ANXA3: variants seen among roughly 807,000 people sequenced by gnomAD.
The protein encoded by ANXA3 is 35-alpha calcimedin.
Under a neutral mutation model 48.8 loss-of-function variants are expected in ANXA3, and 46 were observed. The observed-to-expected ratio is 0.94, with a 90% CI of 0.74 to 1.21. The LOEUF (loss-of-function observed/expected upper bound fraction) is 1.21. Among genes scored for constraint, ANXA3 ranks in the 50% most tolerant of loss-of-function variants. The probability of loss-of-function intolerance (pLI) is 0.00; values close to 1 mark genes in which losing one functional copy is unlikely to be tolerated. For missense variants in ANXA3, 383 were observed against 378.6 expected (o/e 1.01, Z -0.10); for synonymous variants, 128 against 134.7 (o/e 0.95, Z 0.35).
At chr4:78,552,871 C>T (rs180882228) in intron 1 of ANXA3, among the ~76,000 whole-genome samples, 42 of 152,312 alleles carry the variant, frequency 2.8e-4, no homozygotes, top group Middle Eastern at 3.4e-3. Flanking sequence ...AAACCAGAAT[C>T]TTGTTCCCAG....
At chr4:78,592,434 G>A (rs1223657562) in intron 7 of ANXA3, among the ~76,000 whole-genome samples, 1 of 152,182 alleles carries the variant, frequency 6.6e-6, no homozygotes, top group Non-Finnish European at 1.5e-5. Context: ...TATGGTTTCA[G>A]TTACTTTAAA....
chr4:78,582,549 TA>T, intron 5 of ANXA3: 1 of 402,046 alleles, frequency 2.5e-6, no homozygotes, highest in Non-Finnish European at 4.5e-6. Flanking sequence ...TGAAAGTAAA[TA>T]GCACTATGAT....
intron 7 of ANXA3, among the ~76,000 whole-genome samples, chr4:78,591,983 T>C (rs185559650): frequency 5.3e-5 from 8 of 152,328 alleles, no homozygotes; most frequent in Non-Finnish European, 8.8e-5. Context: ...TTCTGGACTC[T>C]GAAGAATAAA....
At chr4:78,573,723 G>C (rs765279862) in intron 3 of ANXA3, among the ~76,000 whole-genome samples, 1 of 152,180 alleles carries the variant, frequency 6.6e-6, no homozygotes, top group Admixed American at 6.5e-5. Context: ...ACCAAGGGGT[G>C]GAATAGTCAT....
At chr4:78,558,621 C>A (rs1380205165) in intron 2 of ANXA3, among the ~76,000 whole-genome samples, 5 of 152,128 alleles carry the variant, frequency 3.3e-5, no homozygotes, top group South Asian at 2.1e-4. Flanking sequence ...TTTCTTAGGT[C>A]TTTTATATTC....
chr4:78,609,477 C>A (rs1237226758), intron 12 of ANXA3, among the ~76,000 whole-genome samples: 1 of 152,170 alleles, frequency 6.6e-6, no homozygotes, highest in African/African-American at 2.4e-5. Context: ...TAAACATATT[C>A]TTTAAAAATG....
intron 2 of ANXA3, among the ~76,000 whole-genome samples, chr4:78,561,148 G>A (rs564766283): frequency 5.3e-5 from 8 of 152,322 alleles, no homozygotes; most frequent in Middle Eastern, 3.4e-3. Context: ...CGCGGTGGTA[G>A]AAATGTTGGG....
At chr4:78,598,443 A>G (rs1401328709) in intron 10 of ANXA3, among the ~76,000 whole-genome samples, 2 of 152,224 alleles carry the variant, frequency 1.3e-5, no homozygotes, top group Admixed American at 6.5e-5. Flanking sequence ...TTAAAAAAGT[A>G]GAATTGAGAT....
At position 78,554,791 on chromosome 4, in the gene ANXA3, G is replaced by A. The variant is rs1578388345; in HGVS notation, c.15+303G>A. 3.9e-5 allele frequency among the ~76,000 whole-genome samples: 6 copies of A among 152,088 alleles called. No homozygotes were observed. The South Asian group carries it at 6.2e-4, about 16-fold the overall frequency. ...GATGACATATCAGAGAAGAAGAGAC[G>A]GATTATTCAATAAATGTTAGGAAAA... On this transcript the variant is annotated intron_variant, in intron 2 of 12. Transcript: ENST00000264908.
At position 78,604,300 on chromosome 4, in the gene ANXA3, T is replaced by C. The variant is rs185417208; in HGVS notation, c.813T>C (p.Thr271=). ...ALKGIGTDEF[T]LNRIMVSRSE... ...AGGGTATTGGAACTGATGAGTTTACTCTGAACCGAATAATGGTGTCCAGAT... is the reference window on the plus strand; with the variant it reads ...AGGGTATTGGAACTGATGAGTTTACCCTGAACCGAATAATGGTGTCCAGAT... The change falls in exon 12 of 13, where the codon ACT becomes ACC. Residue 271 remains threonine (T), a synonymous_variant. Coordinates refer to ENST00000264908, the MANE Select transcript of ANXA3 (RefSeq NM_005139.3). 1 of 1,613,226 alleles carries C rather than the reference T, an allele frequency of 6.2e-7. No individual in the cohort carries two copies. The highest frequency in any genetic ancestry group is 2.2e-5 in the East Asian group (1 of 44,794).
intron 2 of ANXA3, among the ~76,000 whole-genome samples, chr4:78,559,096 T>A (rs1722574791): frequency 6.6e-6 from 1 of 152,210 alleles, no homozygotes; most frequent in South Asian, 2.1e-4. Flanking sequence ...TTCTTTATTT[T>A]TTTTTGACAG....
chr4:78,601,191 T>TG (rs892891676), intron 10 of ANXA3, among the ~76,000 whole-genome samples: 1 of 152,180 alleles, frequency 6.6e-6, no homozygotes, highest in Admixed American at 6.5e-5. Flanking sequence ...CCTAGGGAGT[T>TG]ATCAGGGAAA....
intron 5 of ANXA3, among the ~76,000 whole-genome samples, chr4:78,583,710 T>C (rs1723119594): frequency 6.6e-6 from 1 of 152,036 alleles, no homozygotes; most frequent in African/African-American, 2.4e-5. Context: ...GAGCAGGCTG[T>C]CAGGAAAGGC....
At chr4:78,597,132 G>A (rs2109946543) in intron 9 of ANXA3, 187 bp from the exon 10 acceptor site, 1 of 507,144 alleles carries the variant, frequency 2.0e-6, no homozygotes, top group Non-Finnish European at 3.4e-6. Context: ...TTTGGGTTTT[G>A]TTGTAGATGA....
chr4:78,598,963 C>G (rs770587185), intron 10 of ANXA3, among the ~76,000 whole-genome samples: 4 of 152,084 alleles, frequency 2.6e-5, no homozygotes, highest in Non-Finnish European at 5.9e-5. Context: ...AAGGAGCATT[C>G]TTGGAAATAT....
In ANXA3 at chr4:78,586,288, T is replaced by C. The variant is rs954244132; in HGVS notation, c.341T>C (p.Ile114Thr). 4.3e-6 allele frequency: 7 copies of C among 1,613,678 alleles called. No individual in the cohort carries two copies. Among genetic ancestry groups the C allele is most frequent in the Admixed American group, 1.7e-5 (1 of 59,980 alleles). ...GCGGGAACAAACGAAGATGCCTTGA[T>C]TGAAATCTTAACTACCAGGACAAGC... ...KGAGTNEDAL[I>T]EILTTRTSRQ... is the part of the protein sequence containing the mutation. Residue 114 changes from isoleucine to threonine, a missense_variant, in exon 6 of 13, where the codon ATT becomes ACT. By Grantham distance (89) the Ile-to-Thr change is moderately conservative. Coordinates refer to ENST00000264908, the MANE Select transcript of ANXA3 (RefSeq NM_005139.3).
intron 5 of ANXA3, chr4:78,582,520 T>TTCTC (rs1036470907): frequency 4.6e-6 from 2 of 437,314 alleles, no homozygotes; most frequent in African/African-American, 2.0e-5. Flanking sequence ...AAGAGTCAAG[T>TTCTC]TCTCTAATTT....
chr4:78,587,649 A>G (rs1245577812), intron 6 of ANXA3, among the ~76,000 whole-genome samples: 2 of 152,224 alleles, frequency 1.3e-5, no homozygotes, highest in African/African-American at 4.8e-5. Context: ...GTCCTCATGT[A>G]GGTGTTAAAG....
chr4:78,570,620 T>C (rs1488856248), intron 2 of ANXA3, among the ~76,000 whole-genome samples: 2 of 152,250 alleles, frequency 1.3e-5, no homozygotes, highest in Non-Finnish European at 2.9e-5. Flanking sequence ...TGGAATAGTC[T>C]AGTTTGCTTT....
Sources: allele counts gnomAD v4.1 joint callset (sites outside exome capture counted in the v4.1 genomes callset), GRCh38; gene constraint gnomAD v4.1.1; transcripts MANE v1.5; gene names NCBI Gene and HGNC (gene_info 2026-07-23, HGNC 2026-07-21).